The following SLC35E2B variants were observed in gnomAD, a reference collection of about 807,000 sequenced individuals.
The protein encoded by SLC35E2B is solute carrier family 35, member E2B.
Under a neutral mutation model 32.4 loss-of-function variants are expected in SLC35E2B, and 18 were observed. The observed-to-expected ratio is 0.56, with a 90% CI of 0.38 to 0.82. The LOEUF is 0.82. SLC35E2B is among the 40% of genes least tolerant of loss of function. SLC35E2B has a pLI of 0.00. For synonymous variants in SLC35E2B, 132 were observed against 209.1 expected (o/e 0.63, Z 3.18); for missense variants, 263 against 469.5 (o/e 0.56, Z 4.06).
chr1:1,671,972 CAGAG>C (rs886998852), intron 5 of SLC35E2B: 6 of 193,208 alleles, frequency 3.1e-5, no homozygotes, highest in Non-Finnish European at 6.3e-5. Context: ...CAGGGAACTG[CAGAG>C]AAAGAGGCCC....
At chr1:1,668,204 G>A (rs1643591581) in intron 9 of SLC35E2B, 123 bp downstream of exon 9, 5 of 1,419,340 alleles carry the variant, frequency 3.5e-6, no homozygotes, top group Non-Finnish European at 4.7e-6. Flanking sequence ...TAATTACACT[G>A]CATAGCCACA....
chr1:1,669,909 T>C, intron 7 of SLC35E2B, 173 bp from the exon 8 acceptor site: 1 of 866,236 alleles, frequency 1.2e-6, no homozygotes. Context: ...CACACCAGGC[T>C]GGCTGAGGGG....
chr1:1,669,498 T>C (rs895652010), intron 8 of SLC35E2B, among the ~76,000 whole-genome samples, 166 bp downstream of exon 8: 11 of 152,122 alleles, frequency 7.2e-5, no homozygotes, highest in Admixed American at 2.0e-4. Flanking sequence ...AAATCTGAGC[T>C]GCAAACCCCG....
Position 1,662,714 on chromosome 1 carries a change from T to C in SLC35E2B, c.*3068A>G, listed in dbSNP as rs1643436968. 2 of 752,438 alleles carry C rather than the reference T, an allele frequency of 2.7e-6. No individual in the cohort carries two copies. Among genetic ancestry groups the C allele is most frequent in the African/African-American group, 2.0e-5 (1 of 50,628 alleles). The allele number at this position is 752,438 out of a possible 1,614,324, so 46.6% of individuals were successfully genotyped here. A position where few individuals can be genotyped will look rare whatever the true frequency, so the allele number is the denominator to read the frequency against. On this transcript the variant is annotated 3_prime_UTR_variant, in exon 10 of 10. Transcript: ENST00000617444. ...TTTATGCCTTTCAGTAGGGGAAGTT[T>C]CCTTGAAAGAGAGCTGCAAATCTCT...
At chr1:1,682,902 C>T (rs143800998) in intron 2 of SLC35E2B, among the ~76,000 whole-genome samples, 7,787 of 151,978 alleles carry the variant, frequency 0.051, 280 homozygotes, top group Non-Finnish European at 0.08. Context: ...CAAGGTGAAA[C>T]CCCGTCTCTA....
chr1:1,668,490 G>C lies in SLC35E2B; in HGVS notation c.835-18C>G, dbSNP rs756263861. 5 of 1,613,892 alleles carry C rather than the reference G, an allele frequency of 3.1e-6. No homozygotes were observed. In the African/African-American group the frequency reaches 6.7e-5, roughly 22 times the overall value. On this transcript the variant is annotated intron_variant, in intron 8 of 9. Coordinates refer to ENST00000617444, the MANE Select transcript of SLC35E2B (RefSeq NM_001290264.2). ...GGGACGTCCTATGTGGCAAACAAAA[G>C]GGTACTCTATCGGTTTCCATTTTCC...
chr1:1,667,910 T>G (rs1570311531), intron 9 of SLC35E2B, among the ~76,000 whole-genome samples: 1 of 151,618 alleles, frequency 6.6e-6, no homozygotes, highest in Admixed American at 6.6e-5. Context: ...TGGAGTGCAG[T>G]GGTGAGATCT....
rs530278980 is a variant in SLC35E2B at position 1,687,454 on chromosome 1, A to T, written c.-148+3522T>A. Reference sequence around the variant, plus strand: ...TTAGTCTCTACTAAAAAAACAAAAAATTAGGCCGGGCGTGGTGGCTCACGC... The same window carrying T: ...TTAGTCTCTACTAAAAAAACAAAAATTTAGGCCGGGCGTGGTGGCTCACGC... On this transcript the variant is annotated intron_variant, in intron 2 of 9. Coordinates refer to ENST00000617444, the MANE Select transcript of SLC35E2B (RefSeq NM_001290264.2). Among the ~76,000 whole-genome samples, 629 of 152,168 alleles carry T rather than the reference A, an allele frequency of 4.1e-3. 6 individuals are homozygous for T. Among genetic ancestry groups the T allele is most frequent in the African/African-American group, 0.015 (603 of 41,508 alleles).
At chr1:1,679,705 A>G (rs1430452119) in intron 2 of SLC35E2B, among the ~76,000 whole-genome samples, 2 of 150,246 alleles carry the variant, frequency 1.3e-5, no homozygotes, top group Admixed American at 6.7e-5. Context: ...GGTGGCTGGC[A>G]CCTGTAATCC....
chr1:1,671,221 C>G, intron 6 of SLC35E2B: 1 of 225,448 alleles, frequency 4.4e-6, no homozygotes, highest in Non-Finnish European at 8.7e-6. Context: ...ACACACCGAG[C>G]GAGACACACT....
At chr1:1,675,017 G>C (rs1300098678) in intron 5 of SLC35E2B, among the ~76,000 whole-genome samples, 2 of 151,902 alleles carry the variant, frequency 1.3e-5, no homozygotes, top group Non-Finnish European at 2.9e-5. Flanking sequence ...AGGGGCTGGG[G>C]CCCAGGACAG....
At chr1:1,688,225 T>G (rs1341486589) in intron 2 of SLC35E2B, among the ~76,000 whole-genome samples, 5 of 151,594 alleles carry the variant, frequency 3.3e-5, no homozygotes, top group Non-Finnish European at 5.9e-5. Context: ...ATCATCAGAG[T>G]GACAGAATGA....
intron 5 of SLC35E2B, chr1:1,672,919 CA>C: frequency 6.5e-6 from 1 of 153,414 alleles, no homozygotes; most frequent in East Asian, 1.9e-4. Context: ...AAGATTTTCT[CA>C]TTGTTGTCAG....
intron 6 of SLC35E2B, 154 bp downstream of exon 6, chr1:1,671,355 A>T: frequency 1.2e-6 from 1 of 826,240 alleles, no homozygotes; most frequent in Non-Finnish European, 1.7e-6. Flanking sequence ...CCTGCCGGGG[A>T]TACCTGTTGT....
In SLC35E2B at chr1:1,679,306, C is replaced by G. The variant is rs116552804; in HGVS notation, c.-147-2460G>C. Among the ~76,000 whole-genome samples, 197 of 152,284 alleles carry G rather than the reference C, an allele frequency of 1.3e-3. 2 individuals are homozygous for G. Among genetic ancestry groups the G allele is most frequent in the African/African-American group, 4.6e-3 (192 of 41,548 alleles). On this transcript the variant is annotated intron_variant, in intron 2 of 9. Coordinates refer to ENST00000617444, the MANE Select transcript of SLC35E2B (RefSeq NM_001290264.2). ...GGCAAGCATCTCCCTCTTGCCAGAACAGTCTGTCCACTTAGCTTCCCTCTG... is the reference window on the plus strand; with the variant it reads ...GGCAAGCATCTCCCTCTTGCCAGAAGAGTCTGTCCACTTAGCTTCCCTCTG...
chr1:1,669,084 G>A (rs771986218), intron 8 of SLC35E2B, among the ~76,000 whole-genome samples: 11 of 152,066 alleles, frequency 7.2e-5, no homozygotes, highest in Admixed American at 3.9e-4. Flanking sequence ...GGCCCTGGCC[G>A]GCAACCACAA....
At chr1:1,678,596 C>T (rs937252090) in intron 2 of SLC35E2B, among the ~76,000 whole-genome samples, 3 of 152,104 alleles carry the variant, frequency 2.0e-5, no homozygotes, top group African/African-American at 7.2e-5. Context: ...CCTCCAAGGG[C>T]ACCCCAGGCC....
chr1:1,682,328 C>T (rs1389078118), intron 2 of SLC35E2B, among the ~76,000 whole-genome samples: 3 of 152,112 alleles, frequency 2.0e-5, no homozygotes, highest in Admixed American at 6.6e-5. Context: ...GTTTAATGAG[C>T]ATTTTTTGTT....
chr1:1,679,826 C>T (rs1230549927), intron 2 of SLC35E2B, among the ~76,000 whole-genome samples: 1 of 133,782 alleles, frequency 7.5e-6, no homozygotes, highest in African/African-American at 2.9e-5. Flanking sequence ...AGCGAGACTC[C>T]CGTCAAAAAA....
Sources: allele counts gnomAD v4.1 joint callset (sites outside exome capture counted in the v4.1 genomes callset), GRCh38; gene constraint gnomAD v4.1.1; transcripts MANE v1.5; gene names NCBI Gene and HGNC (gene_info 2026-07-23, HGNC 2026-07-21).